The following TEX15 variants were observed in gnomAD, a reference collection of about 807,000 sequenced individuals.
The protein encoded by TEX15 is testis-expressed protein 15.
TEX15 carries 171 observed loss-of-function variants against 237.3 expected under a neutral mutation model. The observed-to-expected ratio is 0.72, with a 90% CI of 0.64 to 0.82. TEX15 has a LOEUF of 0.82. Among genes scored for constraint, TEX15 ranks in the 40% least tolerant of loss-of-function variants. The pLI is 0.00. For missense variants in TEX15, 3,750 were observed against 3,646.5 expected (o/e 1.03, Z -0.73); for synonymous variants, 1,338 against 1,269.8 (o/e 1.05, Z -1.14).
At chr8:30,866,722 C>T in intron 5 of TEX15, among the ~76,000 whole-genome samples, 1 of 148,268 alleles carries the variant, frequency 6.7e-6, no homozygotes, top group Non-Finnish European at 1.5e-5. Flanking sequence ...CTTTGACACA[C>T]ACATACACAC....
chr8:30,860,529 T>G (rs928533470), intron 5 of TEX15, among the ~76,000 whole-genome samples: 2 of 151,526 alleles, frequency 1.3e-5, no homozygotes, highest in African/African-American at 4.8e-5. Flanking sequence ...ACTCTAAGAT[T>G]AGAGTAATAC....
chr8:30,836,727 G>C, intron 10 of TEX15, 76 bp downstream of exon 10: 2 of 1,307,764 alleles, frequency 1.5e-6, no homozygotes, highest in Non-Finnish European at 2.1e-6. Flanking sequence ...ATCACTTACT[G>C]TGAATTTCAC....
At chr8:30,899,524 C>G (rs1315371705) in intron 1 of TEX15, among the ~76,000 whole-genome samples, 1 of 152,172 alleles carries the variant, frequency 6.6e-6, no homozygotes, top group Non-Finnish European at 1.5e-5. Flanking sequence ...GCTCACGGCT[C>G]ACTGCAACCT....
intron 4 of TEX15, among the ~76,000 whole-genome samples, chr8:30,869,076 T>C (rs778383026): frequency 1.2e-4 from 18 of 151,516 alleles, no homozygotes; most frequent in Non-Finnish European, 1.9e-4. Context: ...GAACTATATT[T>C]GAAAAAAAAA....
intron 1 of TEX15, among the ~76,000 whole-genome samples, chr8:30,904,008 G>A (rs1405866328): frequency 6.6e-6 from 1 of 151,984 alleles, no homozygotes; most frequent in Non-Finnish European, 1.5e-5. Context: ...AAAAGCACAG[G>A]GATTAGTTAC....
At chr8:30,869,581 T>C (rs1421571055) in intron 4 of TEX15, among the ~76,000 whole-genome samples, 1 of 152,016 alleles carries the variant, frequency 6.6e-6, no homozygotes, top group East Asian at 1.9e-4. Flanking sequence ...GAGACAACTG[T>C]GCATGCCCAA....
Position 30,842,355 on chromosome 8 carries a change from T to A in TEX15, c.7812A>T (p.Lys2604Asn). The A allele has an allele frequency of 6.2e-7, 1 of 1,613,840 alleles. No individual in the cohort carries two copies. The highest frequency in any genetic ancestry group is 8.5e-7 in the Non-Finnish European group (1 of 1,179,860). ...LLKNVMSAPR[K>N]DLGKMAHIRK... ...TAATGTGGGCCATTTTTCCTAAATC[T>A]TTCCTAGGGGCAGACATTACATTCT... The change falls in exon 8 of 11, where the codon AAA becomes AAT. Residue 2604 changes from lysine (K) to asparagine (N), a missense_variant. Transcript: ENST00000643185.
At chr8:30,871,792 A>G (rs1808297419) in intron 4 of TEX15, among the ~76,000 whole-genome samples, 1 of 152,158 alleles carries the variant, frequency 6.6e-6, no homozygotes, top group Non-Finnish European at 1.5e-5. Flanking sequence ...TGATGATCAC[A>G]TGGATGAAAT....
At chr8:30,852,797 G>A (rs915322889) in intron 7 of TEX15, among the ~76,000 whole-genome samples, 1 of 152,084 alleles carries the variant, frequency 6.6e-6, no homozygotes, top group Non-Finnish European at 1.5e-5. Context: ...AATCAATAAA[G>A]TACACTACCA....
rs1471426273 is a variant in TEX15 at position 30,842,931 on chromosome 8, GTTA to G, written c.7233_7235del (p.Asn2412del). The G allele has an allele frequency of 6.2e-7, 1 of 1,610,056 alleles. No individual in the cohort carries two copies. The highest frequency in any genetic ancestry group is 2.2e-5 in the East Asian group (1 of 44,794). On this transcript the variant is annotated inframe_deletion, in exon 8 of 11. Transcript: ENST00000643185. ...CTTCTGTGATAAAAATATTATCCAT[GTTA>G]TTATCTTGTAGCATCTGAAAGTATT...
At chr8:30,881,671 G>A (rs1272002584) in intron 3 of TEX15, among the ~76,000 whole-genome samples, 1 of 141,016 alleles carries the variant, frequency 7.1e-6, no homozygotes. Flanking sequence ...ACCCAGGCTG[G>A]AGTGCAATGG....
In TEX15 at chr8:30,837,218, A is replaced by G. The variant is rs752620251; in HGVS notation, c.9066T>C (p.Ser3022=). 2 of 1,614,056 alleles carry G rather than the reference A, an allele frequency of 1.2e-6. No individual in the cohort carries two copies. The highest frequency in any genetic ancestry group is 2.2e-5 in the South Asian group (2 of 91,088). ...AAGAATTATATGTTGGGTTACATGC[A>G]GACTGTGGAAGTTCATTCCAATATG... is the stretch of plus-strand genomic sequence containing the variant. ...AATYWNELPQ[S]ACNPTYNSSE... The change falls in exon 10 of 11, where the codon TCT becomes TCC. Residue 3022 remains serine, a synonymous_variant. Coordinates refer to ENST00000643185, the MANE Select transcript of TEX15 (RefSeq NM_001350162.2).
intron 1 of TEX15, among the ~76,000 whole-genome samples, chr8:30,900,144 T>C (rs995629819): frequency 2.0e-5 from 3 of 152,198 alleles, no homozygotes; most frequent in African/African-American, 7.2e-5. Context: ...GAACTCATCA[T>C]ATAAATAAAA....
chr8:30,879,056 A>T (rs964460586), intron 3 of TEX15, among the ~76,000 whole-genome samples: 1 of 151,634 alleles, frequency 6.6e-6, no homozygotes, highest in Non-Finnish European at 1.5e-5. Flanking sequence ...TGATAAGCCC[A>T]TTTGCCATCA....
intron 4 of TEX15, among the ~76,000 whole-genome samples, chr8:30,873,808 ATAAC>A (rs562058292): frequency 7.6e-4 from 116 of 152,338 alleles, no homozygotes; most frequent in African/African-American, 2.2e-3. Context: ...ATGAGTATAA[ATAAC>A]TATGGGAAAC....
chr8:30,885,837 A>G (rs1808635577), intron 3 of TEX15, among the ~76,000 whole-genome samples: 1 of 151,944 alleles, frequency 6.6e-6, no homozygotes, highest in South Asian at 2.1e-4. Flanking sequence ...GGATTTCTCT[A>G]TTTCTCCTTG....
intron 2 of TEX15, 98 bp from the exon 3 acceptor site, chr8:30,887,409 G>T: frequency 1.8e-6 from 2 of 1,101,596 alleles, no homozygotes; most frequent in Non-Finnish European, 2.4e-6. Flanking sequence ...AAAGTAAATG[G>T]TAAAATGTTC....
In TEX15 at chr8:30,838,820, A is replaced by G. The variant is rs1456937982; in HGVS notation, c.8223-759T>C. On this transcript the variant is annotated intron_variant, in intron 9 of 10. Transcript: ENST00000643185. Reference sequence around the variant, plus strand: ...TATATATATATATATATATATATATATGAATTTTTTTTTGACACAGAGTCT... The same window carrying G: ...TATATATATATATATATATATATATGTGAATTTTTTTTTGACACAGAGTCT... 1.5e-4 allele frequency among the ~76,000 whole-genome samples: 8 copies of G among 53,296 alleles called. No individual in the cohort carries two copies. In the East Asian group the frequency reaches 2.5e-3, roughly 16 times the overall value. The allele number at this position is 53,296 out of a possible 152,430, so 35.0% of individuals were successfully genotyped here.
intron 8 of TEX15, among the ~76,000 whole-genome samples, chr8:30,840,699 A>G (rs1807431347): frequency 6.6e-6 from 1 of 152,144 alleles, no homozygotes; most frequent in South Asian, 2.1e-4. Flanking sequence ...TACTATATAT[A>G]CTTCTACAGA....
Sources: allele counts gnomAD v4.1 joint callset (sites outside exome capture counted in the v4.1 genomes callset), GRCh38; gene constraint gnomAD v4.1.1; transcripts MANE v1.5; gene names NCBI Gene and HGNC (gene_info 2026-07-23, HGNC 2026-07-21).